The following CNBD1 variants were observed in gnomAD, a reference collection of about 807,000 sequenced individuals.
The protein encoded by CNBD1 is cyclic nucleotide binding domain containing 1, also known as cyclic nucleotide-binding domain-containing protein 1.
A neutral mutation model predicts 54.4 loss-of-function variants in CNBD1; 71 were observed. That is an observed-to-expected ratio of 1.30 (90% CI 1.08 to 1.59). CNBD1 has a LOEUF of 1.59. Among genes scored for constraint, CNBD1 ranks in the 40% most tolerant of loss-of-function variants. CNBD1 has a pLI of 0.00. For synonymous variants in CNBD1, 182 were observed against 170.7 expected (o/e 1.07, Z -0.51); for missense variants, 659 against 518.0 (o/e 1.27, Z -2.64).
chr8:86,870,187 C>CTTTTTTTTTTTT (rs1420611337), intron 1 of CNBD1, among the ~76,000 whole-genome samples: 1 of 47,776 alleles, frequency 2.1e-5, no homozygotes, highest in African/African-American at 1.1e-4. Context: ...CAAGATAGTA[C>CTTTTTTTTTTTT]TCTTTTTTTT....
At chr8:87,308,256 A>G (rs1160628070) in intron 8 of CNBD1, among the ~76,000 whole-genome samples, 1 of 152,150 alleles carries the variant, frequency 6.6e-6, no homozygotes, top group Non-Finnish European at 1.5e-5. Flanking sequence ...AGGAATTGGT[A>G]AAGTCCTTTT....
intron 2 of CNBD1, among the ~76,000 whole-genome samples, chr8:86,897,628 T>A (rs967659470): frequency 3.9e-5 from 6 of 152,238 alleles, no homozygotes; most frequent in Non-Finnish European, 7.3e-5. Context: ...TCCAGAAATG[T>A]CACCAGTAAC....
At chr8:87,129,916 G>T (rs1812081354) in intron 4 of CNBD1, among the ~76,000 whole-genome samples, 1 of 152,150 alleles carries the variant, frequency 6.6e-6, no homozygotes, top group Non-Finnish European at 1.5e-5. Flanking sequence ...AGATTCACGT[G>T]GCTGGGGAAG....
At chr8:86,962,974 G>T (rs1346642933) in intron 4 of CNBD1, among the ~76,000 whole-genome samples, 1 of 152,128 alleles carries the variant, frequency 6.6e-6, no homozygotes, top group Non-Finnish European at 1.5e-5. Context: ...AAGGAGTCCA[G>T]TGATTTAGGA....
chr8:87,004,620 TA>T (rs1156674671), intron 4 of CNBD1, among the ~76,000 whole-genome samples: 1 of 151,916 alleles, frequency 6.6e-6, no homozygotes, highest in African/African-American at 2.4e-5. Flanking sequence ...CAAATATAAT[TA>T]AAGACAATAC....
intron 3 of CNBD1, among the ~76,000 whole-genome samples, chr8:86,924,034 C>T (rs999626139): frequency 1.3e-5 from 2 of 152,188 alleles, no homozygotes; most frequent in Middle Eastern, 6.8e-3. Flanking sequence ...AAAATGATAT[C>T]GTTCAAAGTT....
chr8:87,222,742 T>C (rs1205052317), intron 5 of CNBD1, among the ~76,000 whole-genome samples: 1 of 152,136 alleles, frequency 6.6e-6, no homozygotes, highest in African/African-American at 2.4e-5. Flanking sequence ...CGTTAACCTT[T>C]CAAAAAGTCA....
intron 4 of CNBD1, among the ~76,000 whole-genome samples, chr8:87,103,006 T>C (rs1352452959): frequency 6.6e-6 from 1 of 152,172 alleles, no homozygotes; most frequent in Non-Finnish European, 1.5e-5. Flanking sequence ...TCAGGCAATT[T>C]GTTTTAAGGT....
chr8:86,954,685 A>G (rs1807714506), intron 4 of CNBD1, among the ~76,000 whole-genome samples: 1 of 152,222 alleles, frequency 6.6e-6, no homozygotes. Flanking sequence ...GGTAGCTCTT[A>G]GCAATTTTTA....
intron 4 of CNBD1, among the ~76,000 whole-genome samples, chr8:87,082,337 T>G (rs1022994287): frequency 5.3e-5 from 8 of 152,196 alleles, no homozygotes; most frequent in Non-Finnish European, 7.3e-5. Flanking sequence ...CCTATCTCCC[T>G]TTGCTGACTA....
At chr8:87,284,932 T>A in intron 7 of CNBD1, 117 bp downstream of exon 7, 1 of 736,410 alleles carries the variant, frequency 1.4e-6, no homozygotes, top group Non-Finnish European at 2.0e-6. Flanking sequence ...TAATTTAACC[T>A]AGAGACCATA....
chr8:87,372,696 T>G (rs1810838559), intron 10 of CNBD1, among the ~76,000 whole-genome samples: 1 of 151,914 alleles, frequency 6.6e-6, no homozygotes, highest in Non-Finnish European at 1.5e-5. Context: ...TGCTCTTACC[T>G]ATCAATGATT....
rs117930274 is a variant in CNBD1, at chr8:87,210,837, G to C, written c.577+4699G>C. ...TAGGGTTATGCAAAAGGGAAATGTG[G>C]GATTGAAGGTCCTACACAGAGTCCT... On this transcript the variant is annotated intron_variant, in intron 5 of 10. Transcript: ENST00000518476. 9.3e-3 allele frequency among the ~76,000 whole-genome samples: 1,422 copies of C among 152,284 alleles called. 14 individuals carry two copies. Among genetic ancestry groups the C allele is most frequent in the Non-Finnish European group, 0.015 (988 of 68,020 alleles).
rs192307009 is a variant in CNBD1 at position 87,406,918 on chromosome 8, T to G, written c.214-21628T>G. On this transcript the variant is annotated intron_variant, in intron 2 of 7. Transcript: ENST00000521593. Reference sequence around the variant, plus strand: ...AGTAGAGTTTGAATAATCTTTTTATTTCAAAGTATTTTGTAATTTACTCTG... The same window carrying G: ...AGTAGAGTTTGAATAATCTTTTTATGTCAAAGTATTTTGTAATTTACTCTG... Among the ~76,000 whole-genome samples the G allele has an allele frequency of 7.2e-3, 1,093 of 152,296 alleles. 8 individuals are homozygous for G. Among genetic ancestry groups the G allele is most frequent in the Middle Eastern group, 0.017 (5 of 294 alleles).
chr8:86,953,311 T>C (rs1807673835), intron 4 of CNBD1, among the ~76,000 whole-genome samples: 1 of 152,210 alleles, frequency 6.6e-6, no homozygotes, highest in Non-Finnish European at 1.5e-5. Flanking sequence ...CAAACTGTTT[T>C]TCAAAATGGT....
intron 8 of CNBD1, among the ~76,000 whole-genome samples, chr8:87,304,058 C>A (rs62528137): frequency 0.043 from 6,605 of 152,128 alleles, 187 homozygotes; most frequent in Non-Finnish European, 0.06. Context: ...CTAGTTCAAC[C>A]ATTGTGGAAG....
intron 3 of CNBD1, among the ~76,000 whole-genome samples, chr8:86,918,172 C>G (rs1388718432): frequency 2.0e-5 from 3 of 151,930 alleles, no homozygotes; most frequent in Non-Finnish European, 4.4e-5. Context: ...TCCTAATTGC[C>G]CACCTCTCAG....
chr8:87,134,166 T>A (rs1812177846), intron 4 of CNBD1, among the ~76,000 whole-genome samples: 1 of 152,188 alleles, frequency 6.6e-6, no homozygotes, highest in Non-Finnish European at 1.5e-5. Context: ...CTAATTTGTT[T>A]AAAATGTAAA....
chr8:87,264,183 T>C (rs1193427220), intron 6 of CNBD1, among the ~76,000 whole-genome samples: 1 of 151,806 alleles, frequency 6.6e-6, no homozygotes, highest in Non-Finnish European at 1.5e-5. Context: ...GAGTGTGATG[T>C]TCCCCTTCCT....
Sources: allele counts gnomAD v4.1 joint callset (sites outside exome capture counted in the v4.1 genomes callset), GRCh38; gene constraint gnomAD v4.1.1; transcripts MANE v1.5; gene names NCBI Gene and HGNC (gene_info 2026-07-23, HGNC 2026-07-21).